The following PCDH7 variants were observed in gnomAD, a reference collection of about 807,000 sequenced individuals.
PCDH7 encodes the protein protocadherin 7, also known as protocadherin-7.
A neutral mutation model predicts 58.9 loss-of-function variants in PCDH7; 17 were observed. The ratio of observed to expected loss-of-function variants is 0.29; its 90% confidence interval spans 0.20 to 0.43. PCDH7 has a LOEUF of 0.43. PCDH7 is among the 20% of genes least tolerant of loss of function. PCDH7 has a pLI of 1.00. For synonymous variants in PCDH7, 664 were observed against 616.4 expected, an observed-to-expected ratio of 1.08 and a Z score of -1.14; for missense variants, 1,274 against 1,441.0, an observed-to-expected ratio of 0.88 and a Z score of 1.88.
At chr4:31,133,301 T>C (rs578152661) in intron 3 of PCDH7, among the ~76,000 whole-genome samples, 1 of 152,340 alleles carries the variant, frequency 6.6e-6, no homozygotes, top group South Asian at 2.1e-4. Context: ...TTTGCATTTA[T>C]GTGAGGAGAC....
intron 3 of PCDH7, among the ~76,000 whole-genome samples, chr4:30,977,416 G>A (rs2109105236): frequency 6.6e-6 from 1 of 152,272 alleles, no homozygotes; most frequent in African/African-American, 2.4e-5. Context: ...GTACTAATTA[G>A]CAGGATTTTT....
chr4:31,122,127 T>G (rs958021927), intron 3 of PCDH7, among the ~76,000 whole-genome samples: 18 of 152,196 alleles, frequency 1.2e-4, no homozygotes, highest in African/African-American at 4.3e-4. Flanking sequence ...CCAAATTTCA[T>G]GAATAATATA....
At chr4:31,081,459 G>C (rs972516225) in intron 3 of PCDH7, among the ~76,000 whole-genome samples, 7 of 152,142 alleles carry the variant, frequency 4.6e-5, no homozygotes, top group African/African-American at 1.7e-4. Flanking sequence ...GATAGATTTA[G>C]AAACATTACA....
chr4:31,090,491 G>C (rs1713093358), intron 3 of PCDH7, among the ~76,000 whole-genome samples: 2 of 151,956 alleles, frequency 1.3e-5, no homozygotes, highest in African/African-American at 2.4e-5. Flanking sequence ...TGTTGTGCTA[G>C]CAAATACTAG....
chr4:31,132,476 T>C (rs1034475756), intron 3 of PCDH7, among the ~76,000 whole-genome samples: 5 of 152,064 alleles, frequency 3.3e-5, no homozygotes, highest in African/African-American at 1.2e-4. Flanking sequence ...TTCTACAACT[T>C]TATCATCAAT....
intron 1 of PCDH7, among the ~76,000 whole-genome samples, chr4:30,795,185 T>C (rs1724628860): frequency 6.6e-6 from 1 of 152,154 alleles, no homozygotes; most frequent in Non-Finnish European, 1.5e-5. Flanking sequence ...CTCACTATGT[T>C]GCCCAGGCTG....
intron 3 of PCDH7, among the ~76,000 whole-genome samples, chr4:31,103,481 C>T (rs1426693606): frequency 6.6e-6 from 1 of 151,926 alleles, no homozygotes; most frequent in Non-Finnish European, 1.5e-5. Context: ...ATTACAGGTG[C>T]ATGCCACCAA....
At chr4:30,975,035 C>G (rs1013444721) in intron 3 of PCDH7, among the ~76,000 whole-genome samples, 3 of 152,054 alleles carry the variant, frequency 2.0e-5, no homozygotes, top group Non-Finnish European at 2.9e-5. Context: ...CTGTTTCCAA[C>G]TGTGGAGCTG....
chr4:30,846,260 A>T (rs913587801), intron 1 of PCDH7, among the ~76,000 whole-genome samples: 2 of 152,110 alleles, frequency 1.3e-5, no homozygotes, highest in Non-Finnish European at 2.9e-5. Flanking sequence ...TGATTAGGTC[A>T]TGAGGGCATT....
chr4:31,128,139 A>G (rs760784159), intron 3 of PCDH7, among the ~76,000 whole-genome samples: 8 of 151,658 alleles, frequency 5.3e-5, no homozygotes, highest in Non-Finnish European at 1.0e-4. Context: ...ATGCACATAT[A>G]CATATATACA....
At position 31,059,375 on chromosome 4, in the gene PCDH7, T is replaced by A. The variant is rs550736379; in HGVS notation, c.*8-83098T>A. Among the ~76,000 whole-genome samples the A allele has an allele frequency of 3.9e-5, 6 of 152,036 alleles. 1 individual carries two copies. In the South Asian group the frequency reaches 1.2e-3, roughly 31 times the overall value. On this transcript the variant is annotated intron_variant, in intron 3 of 3. Coordinates refer to the PCDH7 transcript ENST00000509759. Reference sequence around the variant, plus strand: ...TTCTGGCAACAATGTATGATTACTATTTTTTAAAATCAATTTAGGTATAGT... The same window carrying A: ...TTCTGGCAACAATGTATGATTACTAATTTTTAAAATCAATTTAGGTATAGT...
At chr4:30,776,303 C>T (rs1722061998) in intron 1 of PCDH7, 1 of 152,192 alleles carries the variant, frequency 6.6e-6, no homozygotes, top group Non-Finnish European at 1.5e-5. Flanking sequence ...GAATAAGACT[C>T]TGACCTGCAA....
chr4:30,911,787 A>G (rs1741811879), intron 1 of PCDH7, among the ~76,000 whole-genome samples: 1 of 152,166 alleles, frequency 6.6e-6, no homozygotes, highest in Admixed American at 6.6e-5. Flanking sequence ...TCTCATTTGC[A>G]AAATCAGAAT....
chr4:30,986,149 G>A (rs1225258901), intron 3 of PCDH7, among the ~76,000 whole-genome samples: 2 of 152,076 alleles, frequency 1.3e-5, no homozygotes, highest in Non-Finnish European at 2.9e-5. Context: ...ATCTGCATAT[G>A]GAATTCTTCT....
At chr4:30,751,966 T>A (rs1718579296) in intron 1 of PCDH7, among the ~76,000 whole-genome samples, 1 of 152,188 alleles carries the variant, frequency 6.6e-6, no homozygotes, top group Admixed American at 6.5e-5. Context: ...CTTGTTGCCA[T>A]GATGGTTTTT....
At chr4:31,137,145 G>T (rs188891504) in intron 3 of PCDH7, among the ~76,000 whole-genome samples, 57 of 152,304 alleles carry the variant, frequency 3.7e-4, no homozygotes, top group African/African-American at 1.2e-3. Context: ...TAGCATTTAA[G>T]TGTGCTTCTA....
chr4:31,092,253 T>C lies in PCDH7; in HGVS notation c.*8-50220T>C, dbSNP rs114901858. Among the ~76,000 whole-genome samples the C allele has an allele frequency of 5.1e-3, 777 of 152,142 alleles. 5 individuals carry two copies. The highest frequency in any genetic ancestry group is 9.1e-3 in the Non-Finnish European group (618 of 67,940). On this transcript the variant is annotated intron_variant, in intron 3 of 3. Transcript: ENST00000509759. The stretch of plus-strand genomic sequence containing the variant: ...AATATAAAAGGTAAATGTCAAAATC[T>C]TTATCTTTGTTAGCTATGAAGTTGA...
chr4:30,826,577 G>T (rs1198727025), intron 1 of PCDH7, among the ~76,000 whole-genome samples: 1 of 151,948 alleles, frequency 6.6e-6, no homozygotes, highest in Non-Finnish European at 1.5e-5. Flanking sequence ...TTCTTTGGGG[G>T]ATTCACCCAG....
At chr4:30,953,344 T>C (rs562124933) in intron 3 of PCDH7, among the ~76,000 whole-genome samples, 2 of 152,260 alleles carry the variant, frequency 1.3e-5, no homozygotes, top group Admixed American at 6.5e-5. Flanking sequence ...TGTCTAGATA[T>C]CTAATGTCTA....
Sources: allele counts gnomAD v4.1 joint callset (sites outside exome capture counted in the v4.1 genomes callset), GRCh38; gene constraint gnomAD v4.1.1; transcripts MANE v1.5; gene names NCBI Gene and HGNC (gene_info 2026-07-23, HGNC 2026-07-21).